The following NEK10 variants were observed in gnomAD, a reference collection of about 807,000 sequenced individuals.
NEK10 encodes NIMA related kinase 10.
In NEK10, 122 loss-of-function variants were observed where a neutral mutation model predicts 159.8. The observed-to-expected ratio is 0.76, with a 90% CI of 0.66 to 0.89. The LOEUF is 0.89. Among genes scored for constraint, NEK10 ranks in the 40% least tolerant of loss-of-function variants. The pLI, the probability that NEK10 is intolerant of heterozygous loss-of-function variation, is 0.00. For synonymous variants in NEK10, 466 were observed against 457.1 expected (o/e 1.02, Z -0.25); for missense variants, 1,342 against 1,323.1 (o/e 1.01, Z -0.22).
chr3:27,232,559 A>AG (rs1051500023), intron 23 of NEK10, among the ~76,000 whole-genome samples: 6 of 151,834 alleles, frequency 4.0e-5, no homozygotes, highest in Non-Finnish European at 8.8e-5. Flanking sequence ...ATTAGAAAAA[A>AG]AATCCTAAAA....
At chr3:27,141,611 A>C (rs1348684423) in intron 30 of NEK10, 29 bp from the exon 31 acceptor site, 11 of 1,546,128 alleles carry the variant, frequency 7.1e-6, no homozygotes, top group Non-Finnish European at 9.7e-6. Context: ...GTAGTTAGTC[A>C]AGTTCTCTTT....
At chr3:27,273,802 A>G (rs2041559492) in intron 22 of NEK10, among the ~76,000 whole-genome samples, 1 of 152,154 alleles carries the variant, frequency 6.6e-6, no homozygotes, top group African/African-American at 2.4e-5. Flanking sequence ...AGTAAATGGA[A>G]TGGCTAACCT....
chr3:27,148,793 T>C (rs1944549764), intron 30 of NEK10, among the ~76,000 whole-genome samples: 1 of 152,126 alleles, frequency 6.6e-6, no homozygotes, highest in Non-Finnish European at 1.5e-5. Context: ...CTTTAGCCTT[T>C]CCTCCCAGGC....
intron 31 of NEK10, among the ~76,000 whole-genome samples, chr3:27,138,158 C>T (rs149427146): frequency 2.6e-4 from 40 of 152,258 alleles, no homozygotes; most frequent in African/African-American, 7.7e-4. Context: ...TTGGTGCTAA[C>T]CCCCAGTCAA....
At chr3:27,324,452 C>T (rs1167793844) in intron 5 of NEK10, among the ~76,000 whole-genome samples, 2 of 152,184 alleles carry the variant, frequency 1.3e-5, no homozygotes, top group African/African-American at 4.8e-5. Context: ...TCCTTCCAGT[C>T]ATCTAGGTAA....
chr3:27,185,798 C>T (rs956766698), intron 26 of NEK10, among the ~76,000 whole-genome samples: 10 of 152,172 alleles, frequency 6.6e-5, no homozygotes, highest in African/African-American at 2.4e-4. Context: ...CCCTAGTGGA[C>T]AGTGCAGAGG....
intron 9 of NEK10, chr3:27,309,406 T>A (rs2044507058): frequency 6.5e-6 from 1 of 152,684 alleles, no homozygotes; most frequent in Non-Finnish European, 1.5e-5. Context: ...TTTTTTGCAG[T>A]CAATATAAAA....
intron 5 of NEK10, among the ~76,000 whole-genome samples, chr3:27,332,520 G>T (rs1429176190): frequency 6.6e-6 from 1 of 151,988 alleles, no homozygotes; most frequent in East Asian, 1.9e-4. Context: ...AGTCTTGTTT[G>T]TCATATTCCA....
chr3:27,294,249 G>GA (rs1278906642), intron 15 of NEK10, among the ~76,000 whole-genome samples: 2 of 152,206 alleles, frequency 1.3e-5, no homozygotes, highest in Non-Finnish European at 2.9e-5. Flanking sequence ...GCAGTACTGA[G>GA]AAAAAAGAGT....
chr3:27,346,639 C>A (rs1476282316), intron 3 of NEK10, among the ~76,000 whole-genome samples: 2 of 152,182 alleles, frequency 1.3e-5, no homozygotes, highest in Non-Finnish European at 2.9e-5. Flanking sequence ...GACTAGAGAG[C>A]TCCTGGATCC....
chr3:27,163,212 C>T (rs1946179476), intron 29 of NEK10, among the ~76,000 whole-genome samples: 1 of 151,920 alleles, frequency 6.6e-6, no homozygotes, highest in Non-Finnish European at 1.5e-5. Flanking sequence ...CCTTGTTTGC[C>T]TTGCCCCAAA....
intron 26 of NEK10, among the ~76,000 whole-genome samples, chr3:27,176,077 T>C (rs894562564): frequency 6.6e-6 from 1 of 152,226 alleles, no homozygotes; most frequent in African/African-American, 2.4e-5. Context: ...TAGGGATAAC[T>C]AGAATCAGAA....
intron 28 of NEK10, among the ~76,000 whole-genome samples, chr3:27,173,501 C>A (rs1410750066): frequency 1.3e-5 from 2 of 152,114 alleles, no homozygotes; most frequent in African/African-American, 4.8e-5. Flanking sequence ...GAAAATAGGA[C>A]AGAATATTGA....
intron 22 of NEK10, among the ~76,000 whole-genome samples, chr3:27,274,634 C>A (rs548522198): frequency 6.6e-6 from 1 of 151,810 alleles, no homozygotes; most frequent in East Asian, 1.9e-4. Context: ...TTCACATATG[C>A]GCACACATGC....
chr3:27,262,420 A>T (rs2040495909), intron 22 of NEK10, among the ~76,000 whole-genome samples: 3 of 152,230 alleles, frequency 2.0e-5, no homozygotes, highest in Non-Finnish European at 4.4e-5. Context: ...AATATCCCAC[A>T]GAGTGTTTTC....
intron 1 of NEK10, among the ~76,000 whole-genome samples, chr3:27,368,670 T>C (rs2049285038): frequency 6.6e-6 from 1 of 152,074 alleles, no homozygotes; most frequent in African/African-American, 2.4e-5. Context: ...GGGTTGCACA[T>C]GTGTGGCGTT....
chr3:27,291,117 G>T, intron 18 of NEK10, 145 bp downstream of exon 18: 2 of 872,562 alleles, frequency 2.3e-6, no homozygotes, highest in Non-Finnish European at 3.5e-6. Context: ...GGCTATCTCT[G>T]TTGGACAAAA....
Position 27,156,947 on chromosome 3 carries a change from T to C in NEK10, c.2869+5754A>G, listed in dbSNP as rs1223635009. ...AGAAACTGATATATATATATATATA[T>C]ATATATATATATATATATATATATA... On this transcript the variant is annotated intron_variant, in intron 30 of 35. Coordinates refer to ENST00000691995, the MANE Select transcript of NEK10 (RefSeq NM_001394966.1). Among the ~76,000 whole-genome samples, 740 of 108,296 alleles carry C rather than the reference T, an allele frequency of 6.8e-3. 18 individuals are homozygous for C. Among genetic ancestry groups the C allele is most frequent in the African/African-American group, 0.024 (693 of 28,568 alleles). 71.0% of individuals were successfully genotyped at this position (108,296 alleles called of 152,430 possible). A position where few individuals can be genotyped will look rare whatever the true frequency, so the allele number is the denominator to read the frequency against.
intron 23 of NEK10, chr3:27,206,737 C>T (rs1353907893): frequency 2.4e-6 from 1 of 423,884 alleles, no homozygotes; most frequent in Non-Finnish European, 3.2e-6. Context: ...GGACTCTAAA[C>T]AATTTGCCTA....
Sources: gnomAD v4.1 joint callset for allele counts (sites outside exome capture counted in the v4.1 genomes callset) on GRCh38, gnomAD v4.1.1 for gene constraint, MANE v1.5 for transcripts, NCBI Gene and HGNC (gene_info 2026-07-23, HGNC 2026-07-21) for gene names.